KCNAB2: variants seen among roughly 807,000 people sequenced by gnomAD.
KCNAB2 encodes the protein potassium voltage-gated channel subfamily A regulatory beta subunit 2.
A neutral mutation model predicts 63.6 loss-of-function variants in KCNAB2; 29 were observed. The ratio of observed to expected loss-of-function variants is 0.46; its 90% CI spans 0.34 to 0.62. The LOEUF (loss-of-function observed/expected upper bound fraction) is 0.62, where lower values mean the gene tolerates loss of function less well. Ranked by LOEUF, KCNAB2 falls within the 20% of genes least tolerant of loss-of-function variation. The pLI is 0.01. For missense variants in KCNAB2, 359 were observed against 563.9 expected (o/e 0.64, Z 3.68); for synonymous variants, 222 against 224.2 (o/e 0.99, Z 0.09).
At position 6,051,722 on chromosome 1, in the gene KCNAB2, C is replaced by G; in HGVS notation, c.186C>G (p.Gly62=). Residue 62 remains glycine (G), a synonymous_variant, in exon 2 of 16, where the codon GGC becomes GGG. Coordinates refer to ENST00000378083, the MANE Select transcript of KCNAB2 (RefSeq NM_001199862.2). ...GCATGCACGGCCTTTCCCTGGACGG[C>G]TGCACCGCCCAGCGCACAGGCATGA... The part of the protein sequence containing the change: ...FLRMHGLSLD[G]CTAQRTGMKY... The G allele has an allele frequency of 6.5e-7, 1 of 1,533,578 alleles. No individual in the cohort carries two copies. The highest frequency in any genetic ancestry group is 1.2e-5 in the South Asian group (1 of 83,952). 95.0% of individuals were successfully genotyped at this position (1,533,578 alleles called of 1,614,324 possible).
chr1:6,088,509 A>G (rs1407736755), intron 7 of KCNAB2, among the ~76,000 whole-genome samples: 1 of 151,340 alleles, frequency 6.6e-6, no homozygotes, highest in African/African-American at 2.4e-5. Context: ...CAGCTTCCCA[A>G]AGCACTAGGA....
At chr1:6,095,265 G>A (rs1050881427) in intron 11 of KCNAB2, 58 bp from the exon 12 acceptor site, 421 of 1,540,922 alleles carry the variant, frequency 2.7e-4, no homozygotes, top group Non-Finnish European at 3.4e-4. Context: ...TGGCTGCCCC[G>A]GCAGCCTCCC....
At chr1:6,043,613 G>A (rs949646522), upstream of KCNAB2, among the ~76,000 whole-genome samples, 8 of 152,206 alleles carry the variant, frequency 5.3e-5, no homozygotes, top group East Asian at 3.8e-4. Context: ...CTAAGGGCTA[G>A]GGTCTTTGTT....
intron 5 of KCNAB2, among the ~76,000 whole-genome samples, chr1:6,084,685 A>T (rs565515806): frequency 2.0e-5 from 3 of 151,880 alleles, no homozygotes; most frequent in South Asian, 2.1e-4. Flanking sequence ...GCGTGGTGGC[A>T]GGTGCCTGTA....
chr1:6,047,752 C>T (rs1017008869), intron 1 of KCNAB2, among the ~76,000 whole-genome samples: 23 of 152,202 alleles, frequency 1.5e-4, no homozygotes, highest in African/African-American at 5.3e-4. Flanking sequence ...GCAGAAGAGT[C>T]CTTGCCCTCC....
In KCNAB2 at chr1:5,994,964, C is replaced by T. The variant is rs1362796595; in HGVS notation, c.-53+2176C>T. 6.6e-6 allele frequency among the ~76,000 whole-genome samples: 1 copy of T among 152,202 alleles called. No homozygotes were observed. The highest frequency in any genetic ancestry group is 1.5e-5 in the Non-Finnish European group (1 of 68,038). Reference sequence around the variant, plus strand: ...TGCTCTGCCGTGGTAACTGGGAACACATCATCTGTGTGGAAGGAGAGCCTG... The same window carrying T: ...TGCTCTGCCGTGGTAACTGGGAACATATCATCTGTGTGGAAGGAGAGCCTG... On this transcript the variant is annotated intron_variant, in intron 1 of 16. Coordinates refer to the KCNAB2 transcript ENST00000341524. This position sits in a 1 kb window ranked among gnomAD's most constrained non-coding sequence, Gnocchi z 5.4.
intron 2 of KCNAB2, among the ~76,000 whole-genome samples, chr1:6,062,158 C>T (rs1247278798): frequency 6.6e-6 from 1 of 151,812 alleles, no homozygotes. Context: ...ACTAAAAATA[C>T]AAAAAATTAG....
intron 2 of KCNAB2, among the ~76,000 whole-genome samples, chr1:6,067,677 A>G (rs1451505857): frequency 6.6e-6 from 1 of 152,214 alleles, no homozygotes; most frequent in Non-Finnish European, 1.5e-5. Context: ...ACAGTCCAGA[A>G]TGGAATTCTC....
intron 5 of KCNAB2, among the ~76,000 whole-genome samples, chr1:6,084,621 GC>G (rs1664508823): frequency 6.6e-6 from 1 of 152,162 alleles, no homozygotes; most frequent in Non-Finnish European, 1.5e-5. Flanking sequence ...TTCGAGACCA[GC>G]CTGGCCAACA....
chr1:6,082,104 C>A, intron 4 of KCNAB2, 91 bp from the exon 5 acceptor site: 3 of 1,099,040 alleles, frequency 2.7e-6, no homozygotes, highest in Non-Finnish European at 4.2e-6. Context: ...GGCCTGGACA[C>A]GGGGAGGCCT....
intron 1 of KCNAB2, among the ~76,000 whole-genome samples, chr1:6,047,613 A>G (rs1025096269): frequency 2.0e-5 from 3 of 152,100 alleles, no homozygotes; most frequent in African/African-American, 7.2e-5. Context: ...CACTGCCAGG[A>G]AATGCCCAGG....
At position 6,073,266 on chromosome 1, in the gene KCNAB2, CCA is replaced by C. The variant is rs1468698068; in HGVS notation, c.263-457_263-456del. Among the ~76,000 whole-genome samples the C allele has an allele frequency of 1.2e-4, 18 of 152,072 alleles. No homozygotes were observed. Among genetic ancestry groups the C allele is most frequent in the African/African-American group, 4.1e-4 (17 of 41,488 alleles). On this transcript the variant is annotated intron_variant, in intron 3 of 15. Transcript: ENST00000378083. The surrounding 1 kb of genome is among the most constrained non-coding windows in gnomAD (Gnocchi z 5.7). ...CCCTCTGCATGCAGTACACACACCCCCACACACACACCGCCCACTGCAGTACA... is the reference window on the plus strand; with the variant it reads ...CCCTCTGCATGCAGTACACACACCCCCACACACACCGCCCACTGCAGTACA...
intron 1 of KCNAB2, among the ~76,000 whole-genome samples, chr1:5,998,139 G>T (rs1305323616): frequency 6.6e-6 from 1 of 152,292 alleles, no homozygotes; most frequent in Non-Finnish European, 1.5e-5. Context: ...CACAGAGGGA[G>T]GACCAGGCAG....
At chr1:6,040,436 TC>T in intron 1 of KCNAB2, 1 of 749,080 alleles carries the variant, frequency 1.3e-6, no homozygotes, top group Non-Finnish European at 2.3e-6. Context: ...GCCTTTGTGA[TC>T]CCAGAGTCTC....
At chr1:5,992,711 G>A (rs1036889530), upstream of KCNAB2, 1 of 152,278 alleles carries the variant, frequency 6.6e-6, no homozygotes, top group East Asian at 1.9e-4. Context: ...AGCGGGATTC[G>A]GGGGCGCTAA....
chr1:6,072,861 C>T lies in KCNAB2; in HGVS notation c.262+63C>T, dbSNP rs367662109. Reference sequence around the variant, plus strand: ...AGGCTGTGGGGAGGCCGGGCATGGACTGAACTGGACACCCCTTGGGAGGCA... The same window carrying T: ...AGGCTGTGGGGAGGCCGGGCATGGATTGAACTGGACACCCCTTGGGAGGCA... On this transcript the variant is annotated intron_variant, in intron 3 of 15. Transcript: ENST00000378083. 392 of 1,520,746 alleles carry T rather than the reference C, an allele frequency of 2.6e-4. 2 individuals are homozygous for T. In the African/African-American group the frequency reaches 4.8e-3, roughly 18 times the overall value. 94.2% of individuals were successfully genotyped at this position (1,520,746 alleles called of 1,614,324 possible). A position where few individuals can be genotyped will look rare whatever the true frequency, so the allele number is the denominator to read the frequency against.
intron 5 of KCNAB2, 24 bp downstream of exon 5, chr1:6,082,298 A>G (rs780035131): frequency 6.3e-7 from 1 of 1,593,570 alleles, no homozygotes; most frequent in Non-Finnish European, 8.6e-7. Context: ...CACACGGGAA[A>G]AAGTGGTTCA....
chr1:6,097,475 G>C, intron 15 of KCNAB2, 118 bp downstream of exon 15: 5 of 1,516,696 alleles, frequency 3.3e-6, no homozygotes, highest in Non-Finnish European at 4.4e-6. Context: ...GGATGCGCCC[G>C]TGAACCATCA....
intron 1 of KCNAB2, among the ~76,000 whole-genome samples, chr1:6,006,919 G>T (rs1374826310): frequency 2.0e-5 from 3 of 152,034 alleles, no homozygotes; most frequent in Non-Finnish European, 4.4e-5. Context: ...GGATCAGACA[G>T]CAGCCTGTGT....
Sources: gnomAD v4.1 joint callset for allele counts (sites outside exome capture counted in the v4.1 genomes callset) on GRCh38, gnomAD v4.1.1 for gene constraint, Gnocchi (gnomAD v3.1) non-coding constraint, MANE v1.5 for transcripts, NCBI Gene and HGNC (gene_info 2026-07-23, HGNC 2026-07-21) for gene names.